Variants in THSD7B observed in about 807,000 individuals in gnomAD.
THSD7B encodes thrombospondin type-1 domain-containing protein 7B.
A neutral mutation model predicts 213.6 loss-of-function variants in THSD7B; 138 were observed. The ratio of observed to expected loss-of-function variants is 0.65; its 90% CI spans 0.56 to 0.74. The LOEUF (loss-of-function observed/expected upper bound fraction) is 0.74, where lower values mean the gene tolerates loss of function less well. Ranked by LOEUF, THSD7B falls within the 30% of genes least tolerant of loss-of-function variation. The probability of loss-of-function intolerance (pLI) is 0.00; values close to 1 mark genes in which losing one functional copy is unlikely to be tolerated. For missense variants in THSD7B, 1,931 were observed against 1,991.5 expected, an observed-to-expected ratio of 0.97 and a Z score of 0.58; for synonymous variants, 742 against 687.0, an observed-to-expected ratio of 1.08 and a Z score of -1.25.
chr2:137,618,945 T>C (rs762313330), intron 19 of THSD7B, among the ~76,000 whole-genome samples: 75 of 152,324 alleles, frequency 4.9e-4, no homozygotes, highest in Middle Eastern at 3.4e-3. Context: ...CAGATAATAT[T>C]TGGATAAATA....
intron 1 of THSD7B, among the ~76,000 whole-genome samples, chr2:136,835,664 T>C (rs1036628989): frequency 1.4e-4 from 21 of 152,206 alleles, no homozygotes; most frequent in African/African-American, 4.3e-4. Flanking sequence ...GCATCTTCAT[T>C]CTATGTTGTA....
At chr2:137,461,470 A>G (rs1261249771) in intron 15 of THSD7B, among the ~76,000 whole-genome samples, 2 of 152,114 alleles carry the variant, frequency 1.3e-5, no homozygotes, top group African/African-American at 2.4e-5. Context: ...GTCCTGAGTC[A>G]TATATCTTGT....
chr2:137,393,208 G>A lies in THSD7B; in HGVS notation c.2501-12405G>A, dbSNP rs537071769. Among the ~76,000 whole-genome samples, 5 of 138,482 alleles carry A rather than the reference G, an allele frequency of 3.6e-5. No homozygotes were observed. In the East Asian group the frequency reaches 1.1e-3, roughly 29 times the overall value. The allele number at this position is 138,482 out of a possible 152,430, so 90.8% of individuals were successfully genotyped here. A position where few individuals can be genotyped will look rare whatever the true frequency, so the allele number is the denominator to read the frequency against. ...AAGTTTTAGGGTACATGTGCACATT[G>A]TGCAGGTTAGTTACATATGTATACA... On this transcript the variant is annotated intron_variant, in intron 12 of 27. Coordinates refer to ENST00000409968, the MANE Select transcript of THSD7B (RefSeq NM_001316349.2).
intron 2 of THSD7B, among the ~76,000 whole-genome samples, chr2:136,930,314 T>C (rs1342889191): frequency 6.6e-6 from 1 of 152,070 alleles, no homozygotes; most frequent in African/African-American, 2.4e-5. Flanking sequence ...TTTTAGGCAA[T>C]AAAATTAGCA....
intron 1 of THSD7B, among the ~76,000 whole-genome samples, chr2:136,834,859 A>T (rs1682819211): frequency 6.6e-6 from 1 of 152,226 alleles, no homozygotes; most frequent in Middle Eastern, 3.2e-3. Flanking sequence ...AATCTATGTT[A>T]TCTTCTGTAT....
chr2:137,167,230 G>A (rs1573863941), intron 6 of THSD7B, among the ~76,000 whole-genome samples: 1 of 151,684 alleles, frequency 6.6e-6, no homozygotes, highest in East Asian at 1.9e-4. Flanking sequence ...CTGAGACAGA[G>A]TCTCACTCTG....
intron 7 of THSD7B, among the ~76,000 whole-genome samples, chr2:137,184,384 C>G (rs1680513014): frequency 6.6e-6 from 1 of 152,066 alleles, no homozygotes; most frequent in Non-Finnish European, 1.5e-5. Flanking sequence ...CACATTCAAA[C>G]CACAGCAGTG....
At chr2:137,043,509 T>C (rs1283527382) in intron 2 of THSD7B, among the ~76,000 whole-genome samples, 2 of 152,188 alleles carry the variant, frequency 1.3e-5, no homozygotes, top group Non-Finnish European at 2.9e-5. Flanking sequence ...CTCACTGACA[T>C]TGAATTTCGA....
chr2:136,882,115 C>A (rs13394896), intron 1 of THSD7B, 29 bp from the exon 2 acceptor site: 2 of 1,400,550 alleles, frequency 1.4e-6, no homozygotes, highest in Admixed American at 3.4e-5. Context: ...ACAGAAGAAA[C>A]TTACCTGATT....
intron 7 of THSD7B, among the ~76,000 whole-genome samples, chr2:137,203,720 A>ATG (rs570121266): frequency 4.1e-4 from 63 of 152,072 alleles, no homozygotes; most frequent in South Asian, 2.5e-3. Flanking sequence ...GTGTTTGTGT[A>ATG]TGTGTGTGTG....
chr2:137,105,285 A>T (rs1388723727), intron 4 of THSD7B, among the ~76,000 whole-genome samples: 2 of 152,220 alleles, frequency 1.3e-5, no homozygotes, highest in African/African-American at 4.8e-5. Flanking sequence ...TCCATCACAT[A>T]AACAGAACCA....
intron 12 of THSD7B, among the ~76,000 whole-genome samples, chr2:137,377,643 T>C (rs1285111028): frequency 6.6e-6 from 1 of 152,048 alleles, no homozygotes; most frequent in African/African-American, 2.4e-5. Context: ...TTTTTTTTTT[T>C]TGAGCTGGAG....
rs372460317 is a variant in THSD7B, at chr2:137,072,955, T to C, written c.950+15725T>C. On this transcript the variant is annotated intron_variant, in intron 3 of 27. Coordinates refer to ENST00000409968, the MANE Select transcript of THSD7B (RefSeq NM_001316349.2). ...AGCCTTGCATCCCAGGGATGAAGCC[T>C]ACTTGATCATGGTAGATGAACTTTT... Among the ~76,000 whole-genome samples the C allele has an allele frequency of 2.6e-4, 40 of 152,284 alleles. 2 individuals carry two copies. The South Asian group carries it at 7.9e-3, about 30-fold the overall frequency.
chr2:137,252,284 A>C (rs967803537), intron 10 of THSD7B, among the ~76,000 whole-genome samples: 3 of 151,134 alleles, frequency 2.0e-5, no homozygotes, highest in Admixed American at 2.0e-4. Context: ...AAAAAAAAAA[A>C]AAAAAACAAA....
intron 12 of THSD7B, among the ~76,000 whole-genome samples, chr2:137,323,762 G>T (rs1684311523): frequency 6.6e-6 from 1 of 152,126 alleles, no homozygotes; most frequent in Admixed American, 6.5e-5. Flanking sequence ...GGGTGAACTG[G>T]TAATTTTGAA....
chr2:137,218,383 TATCTC>T (rs1485528526), intron 7 of THSD7B, among the ~76,000 whole-genome samples: 4 of 152,144 alleles, frequency 2.6e-5, no homozygotes, highest in African/African-American at 9.6e-5. Context: ...TGTTTTGAAA[TATCTC>T]AGCATATATT....
Position 137,642,623 on chromosome 2 carries a change from G to A in THSD7B, c.3935G>A (p.Cys1312Tyr). 1 of 1,613,424 alleles carries A rather than the reference G, an allele frequency of 6.2e-7. No homozygotes were observed. Among genetic ancestry groups the A allele is most frequent in the Non-Finnish European group, 8.5e-7 (1 of 1,179,722 alleles). ...TGGGTCCTTGGCAACTGGTCTGCATGTAAATTGGAGGTAGGTCATGTAATG... is the reference window on the plus strand; with the variant it reads ...TGGGTCCTTGGCAACTGGTCTGCATATAAATTGGAGGTAGGTCATGTAATG... ...YSWVLGNWSA[C>Y]KLEGGDCGEG... Residue 1312 changes from cysteine (C) to tyrosine (Y), a missense_variant, in exon 21 of 28, where the codon TGT (cysteine) becomes TAT (tyrosine). By Grantham distance (194) the Cys-to-Tyr change is radical (BLOSUM62 -2). Coordinates refer to ENST00000409968, the MANE Select transcript of THSD7B (RefSeq NM_001316349.2).
chr2:136,785,533 A>G lies in THSD7B; in HGVS notation c.-36+19846A>G, dbSNP rs373303544. Among the ~76,000 whole-genome samples, 51 of 152,282 alleles carry G rather than the reference A, an allele frequency of 3.3e-4. No individual in the cohort carries two copies. In the East Asian group the frequency reaches 8.9e-3, roughly 27 times the overall value. On this transcript the variant is annotated intron_variant, in intron 1 of 27. Transcript: ENST00000409968. ...AGTGCTCTCCACCACTCCTTTTCAT[A>G]GAAACCCAAACTGCTTCCAGCTCTT...
intron 3 of THSD7B, among the ~76,000 whole-genome samples, chr2:137,086,981 T>C (rs746229966): frequency 7.2e-5 from 11 of 152,300 alleles, no homozygotes; most frequent in Non-Finnish European, 1.3e-4. Context: ...TTGCAAGAAA[T>C]TGAGCACAAC....
Sources: allele counts gnomAD v4.1 joint callset (sites outside exome capture counted in the v4.1 genomes callset), GRCh38; gene constraint gnomAD v4.1.1; transcripts MANE v1.5; gene names NCBI Gene and HGNC (gene_info 2026-07-23, HGNC 2026-07-21).